The following PRICKLE3 variants were observed in gnomAD, a reference collection of about 807,000 sequenced individuals.
The protein encoded by PRICKLE3 is prickle planar cell polarity protein 3.
A neutral mutation model predicts 33.8 loss-of-function variants in PRICKLE3; 17 were observed. The ratio of observed to expected loss-of-function variants is 0.50; its 90% CI spans 0.34 to 0.75. The LOEUF is 0.75. Among genes scored for constraint, PRICKLE3 ranks in the 30% least tolerant of loss-of-function variants. The pLI is 0.01. For synonymous variants in PRICKLE3, 211 were observed against 219.6 expected, an observed-to-expected ratio of 0.96 and a Z score of 0.34; for missense variants, 573 against 576.7, an observed-to-expected ratio of 0.99 and a Z score of 0.07.
intron 5 of PRICKLE3, 109 bp downstream of exon 5, chrX:49,179,142 T>G (rs2065435201): frequency 9.9e-7 from 1 of 1,012,729 alleles, no homozygotes. Context: ...GACACCTCAC[T>G]GGGGCTTAAG....
chrX:49,185,077 C>G (rs1196263570), intron 1 of PRICKLE3, among the ~76,000 whole-genome samples: 1 of 111,372 alleles, frequency 9.0e-6, no homozygotes, highest in Non-Finnish European at 1.9e-5. Context: ...GAGCACAGAA[C>G]CCCTACTCTG....
Position 49,175,931 on chromosome X carries a change from G to A in PRICKLE3, c.1590C>T (p.Arg530=), listed in dbSNP as rs782476577. 6 of 1,211,130 alleles carry A rather than the reference G, an allele frequency of 5.0e-6. No homozygotes were observed. The South Asian group carries it at 7.0e-5, about 14-fold the overall frequency. Residue 530 remains arginine (R), a synonymous_variant, in exon 9 of 9, where the codon CGC becomes CGT. Transcript: ENST00000599218. ...CTGATCCCGCGTCACATTGATAGTG[G>A]CGACGTCTGCTTGGGTGGCGGTTGT... ...HHHNRHPSRR[R]HYQCDAGSGS...
Position 49,178,134 on chromosome X carries a change from G to A in PRICKLE3, c.814C>T (p.His272Tyr). Reference sequence around the variant, plus strand: ...TCAAAGCAGCAGAAGTGATCCATGTGCCAGTGGCGGCCCTCAGCCTCCGTG... The same window carrying A: ...TCAAAGCAGCAGAAGTGATCCATGTACCAGTGGCGGCCCTCAGCCTCCGTG... ...ECTEAEGRHW[H>Y]MDHFCCFECE... Residue 272 changes from histidine to tyrosine, a missense_variant, in exon 7 of 9, where the codon CAC becomes TAC. By Grantham distance (83) the His-to-Tyr change is moderately conservative. Coordinates refer to ENST00000599218, the MANE Select transcript of PRICKLE3 (RefSeq NM_006150.5). The A allele has an allele frequency of 8.5e-7, 1 of 1,182,873 alleles. No individual in the cohort carries two copies. Among genetic ancestry groups the A allele is most frequent in the Non-Finnish European group, 1.1e-6 (1 of 878,606 alleles).
In PRICKLE3 at chrX:49,183,929, G is replaced by A. The variant is rs782325006; in HGVS notation, c.129-12C>T. On this transcript the variant is annotated splice_polypyrimidine_tract_variant and intron_variant, in intron 2 of 8. Transcript: ENST00000599218. The stretch of plus-strand genomic sequence containing the variant: ...GCTGGCAGATCTTTCTGAGGGGGCC[G>A]GGATGGGGGTCAATTACTAAGGAGT... The A allele has an allele frequency of 8.3e-7, 1 of 1,199,619 alleles. No homozygotes were observed. Among genetic ancestry groups the A allele is most frequent in the Non-Finnish European group, 1.1e-6 (1 of 887,764 alleles).
Position 49,176,069 on chromosome X carries a change from T to C in PRICKLE3, c.1452A>G (p.Gly484=). 8.3e-7 allele frequency: 1 copy of C among 1,207,485 alleles called. No individual in the cohort carries two copies. The highest frequency in any genetic ancestry group is 1.1e-6 in the Non-Finnish European group (1 of 893,818). ...GTGCACTCAGGGTCCGGCGCGGGCC[T>C]CCTTCAGACACCAGAGGGTCGCGGA... ...VSFRDPLVSE[G]GPRRTLSAPP... The change falls in exon 9 of 9, where the codon GGA becomes GGG. Residue 484 remains glycine, a synonymous_variant. Transcript: ENST00000599218.
At position 49,179,771 on chromosome X, in the gene PRICKLE3, C is replaced by T; in HGVS notation, c.348G>A (p.Lys116=). The change falls in exon 4 of 9, where the codon AAG becomes AAA. Residue 116 remains lysine (K), a synonymous_variant. Transcript: ENST00000599218. ...CCCCAGGACTGTTGACGTAGGGGAC[C>T]TTGTCCTCTGGGAGGCAGCTGAAAA... ...YQFFSCLPED[K]VPYVNSPGEK... is the part of the protein sequence containing the mutation. The T allele has an allele frequency of 8.5e-7, 1 of 1,170,414 alleles. No homozygotes were observed.
Position 49,179,692 on chromosome X carries a change from C to T in PRICKLE3, c.426+1G>A. ...GCCCTTCCTGTCTTCTCTCTCCTCA[C>T]CTCACTGTCGTGTGGGGGCAGCTGG... On this transcript the variant is annotated splice_donor_variant, in intron 4 of 8. Transcript: ENST00000599218. LOFTEE classifies it high-confidence loss of function. 8.6e-7 allele frequency: 1 copy of T among 1,167,046 alleles called. No homozygotes were observed. Among genetic ancestry groups the T allele is most frequent in the African/African-American group, 1.8e-5 (1 of 56,641 alleles).
rs1557101502 is a variant in PRICKLE3, at chrX:49,183,833, C to G, written c.213G>C (p.Arg71=). 1 of 1,209,471 alleles carries G rather than the reference C, an allele frequency of 8.3e-7. No individual in the cohort carries two copies. Among genetic ancestry groups the G allele is most frequent in the Non-Finnish European group, 1.1e-6 (1 of 895,047 alleles). Residue 71 remains arginine (R), a synonymous_variant, in exon 3 of 9, where the codon CGG becomes CGC. Transcript: ENST00000599218. The part of the protein sequence containing the change: ...VPVDLERIMC[R]LISDFQRHSI... ...AGTGGCGCTGGAAGTCCGAGATTAG[C>G]CGACACATGATGCGTTCCAGGTCCA... is the stretch of plus-strand genomic sequence containing the variant.
Position 49,186,344 on chromosome X carries a change from T to A in PRICKLE3, c.-47A>T, listed in dbSNP as rs1291852838. Reference sequence around the variant, plus strand: ...GCCGGGCCGGGTCAGGCGAATGTAATCCTTGCGACCGTCAGGCCACCGCGC... The same window carrying A: ...GCCGGGCCGGGTCAGGCGAATGTAAACCTTGCGACCGTCAGGCCACCGCGC... On this transcript the variant is annotated 5_prime_UTR_variant, in exon 1 of 9. Transcript: ENST00000599218. 4.7e-5 allele frequency: 51 copies of A among 1,077,657 alleles called. No homozygotes were observed. The highest frequency in any genetic ancestry group is 5.8e-5 in the Non-Finnish European group (48 of 824,195). The allele number at this position is 1,077,657 out of a possible 1,213,427, so 88.8% of individuals were successfully genotyped here. A position where few individuals can be genotyped will look rare whatever the true frequency, so the allele number is the denominator to read the frequency against.
In PRICKLE3 at chrX:49,175,681, C is replaced by CGATGCAGT. The variant is rs1569526087; in HGVS notation, c.1832_1839dup (p.Val614ThrfsTer39). 8.3e-7 allele frequency: 1 copy of CGATGCAGT among 1,208,452 alleles called. No individual in the cohort carries two copies. Among genetic ancestry groups the CGATGCAGT allele is most frequent in the East Asian group, 3.0e-5 (1 of 33,804 alleles). ...TCCAGGACGGCCTGCCTTCAAGCCA[C>CGATGCAGT]GATGCAGTTCTTGTCTCGGGCCTGA... On this transcript the variant is annotated frameshift_variant, in exon 9 of 9. Coordinates refer to ENST00000599218, the MANE Select transcript of PRICKLE3 (RefSeq NM_006150.5). LOFTEE classifies it high-confidence loss of function.
chrX:49,176,005 T>C lies in PRICKLE3; in HGVS notation c.1516A>G (p.Arg506Gly), dbSNP rs1348476821. Reference protein sequence around the residue: ...QRRRPRSPPPRAPSRRRHHHH... With the variant: ...QRRRPRSPPPGAPSRRRHHHH... ...TGGTGGCGGCGACGGCTGGGGGCCCTGGGTGGGGGACTGCGTGGCCTGCGG... is the reference window on the plus strand; with the variant it reads ...TGGTGGCGGCGACGGCTGGGGGCCCCGGGTGGGGGACTGCGTGGCCTGCGG... Residue 506 changes from arginine (R) to glycine (G), a missense_variant, in exon 9 of 9, where the codon AGG (arginine) becomes GGG (glycine). Transcript: ENST00000599218. 5.0e-6 allele frequency: 6 copies of C among 1,207,060 alleles called. No homozygotes were observed. Among genetic ancestry groups the C allele is most frequent in the Non-Finnish European group, 4.5e-6 (4 of 893,986 alleles).
chrX:49,177,111 C>T lies in PRICKLE3; in HGVS notation c.1047G>A (p.Leu349=). The T allele has an allele frequency of 8.3e-7, 1 of 1,200,352 alleles. No homozygotes were observed. Residue 349 remains leucine (L), a synonymous_variant, in exon 8 of 9, where the codon CTG becomes CTA. Coordinates refer to ENST00000599218, the MANE Select transcript of PRICKLE3 (RefSeq NM_006150.5). ...CTCGGCGTGGCAGGAATGGGCGGCCCAGCAGGGCCCGCCCACAGCGACTAC... is the reference window on the plus strand; with the variant it reads ...CTCGGCGTGGCAGGAATGGGCGGCCTAGCAGGGCCCGCCCACAGCGACTAC... ...FCCSRCGRAL[L]GRPFLPRRGL... is the part of the protein sequence containing the mutation.
Position 49,184,761 on chromosome X carries a change from AAGG to A in PRICKLE3, c.43-54_43-52del, listed in dbSNP as rs782135404. On this transcript the variant is annotated intron_variant, in intron 1 of 8. Transcript: ENST00000599218. ...GGCCGGGTGAGGCGCGGAAGCAGGGAAGGAGAAGTCAACGCCCGCCCCTCCACT... is the reference window on the plus strand; with the variant it reads ...GGCCGGGTGAGGCGCGGAAGCAGGGAAGAAGTCAACGCCCGCCCCTCCACT... 591 of 1,159,885 alleles carry A rather than the reference AAGG, an allele frequency of 5.1e-4. 4 individuals carry two copies. In the African/African-American group the frequency reaches 8.2e-3, roughly 16 times the overall value.
rs782725148 is a variant in PRICKLE3, at chrX:49,176,373, TG to T, written c.1256-109del. 2.3e-5 allele frequency: 13 copies of T among 575,404 alleles called. No homozygotes were observed. The South Asian group carries it at 4.5e-4, about 20-fold the overall frequency. 47.4% of individuals were successfully genotyped at this position (575,404 alleles called of 1,213,427 possible). ...CTTTCCTCCACTAAGACTGGGAAAG[TG>T]GGGGCAGGGGTCGGAGAATGGCAGG... is the stretch of plus-strand genomic sequence containing the variant. On this transcript the variant is annotated intron_variant, in intron 8 of 8. Coordinates refer to ENST00000599218, the MANE Select transcript of PRICKLE3 (RefSeq NM_006150.5).
At chrX:49,184,036 A>T in intron 2 of PRICKLE3, 119 bp from the exon 3 acceptor site, 1 of 920,839 alleles carries the variant, frequency 1.1e-6, no homozygotes, top group Non-Finnish European at 1.5e-6. Context: ...GTCTGTGAGC[A>T]GGGACAGGGA....
Position 49,183,799 on chromosome X carries a change from C to T in PRICKLE3, c.247G>A (p.Asp83Asn), listed in dbSNP as rs908968457. The T allele has an allele frequency of 8.3e-7, 1 of 1,211,318 alleles. No individual in the cohort carries two copies. The highest frequency in any genetic ancestry group is 1.1e-6 in the Non-Finnish European group (1 of 895,420). Reference sequence around the variant, plus strand: ...TCCGATGCACAGCCTGAGTCGTCGTCGGAGATGGAGTGGCGCTGGAAGTCC... The same window carrying T: ...TCCGATGCACAGCCTGAGTCGTCGTTGGAGATGGAGTGGCGCTGGAAGTCC... ...ISDFQRHSIS[D>N]DDSGCASEEY... The change falls in exon 3 of 9, where the codon GAC becomes AAC. Residue 83 changes from aspartate to asparagine, a missense_variant. Coordinates refer to ENST00000599218, the MANE Select transcript of PRICKLE3 (RefSeq NM_006150.5).
Position 49,177,145 on chromosome X carries a change from C to G in PRICKLE3, c.1013G>C (p.Cys338Ser). 1 of 1,200,621 alleles carries G rather than the reference C, an allele frequency of 8.3e-7. No individual in the cohort carries two copies. The change falls in exon 8 of 9, where the codon TGC becomes TCC. Residue 338 changes from cysteine to serine, a missense_variant. By Grantham distance (112) the Cys-to-Ser change is moderately radical. Transcript: ENST00000599218. Reference sequence around the variant, plus strand: ...CCGCCCACAGCGACTACAGCAGAAGCAGCGGTCTGAGGCATGCCAGTGCTG... The same window carrying G: ...CCGCCCACAGCGACTACAGCAGAAGGAGCGGTCTGAGGCATGCCAGTGCTG... ...EGQHWHASDR[C>S]FCCSRCGRAL...
In PRICKLE3 at chrX:49,184,776, C is replaced by G. The variant is rs782512304; in HGVS notation, c.43-66G>C. On this transcript the variant is annotated intron_variant, in intron 1 of 8. Coordinates refer to ENST00000599218, the MANE Select transcript of PRICKLE3 (RefSeq NM_006150.5). ...GGAAGCAGGGAAGGAGAAGTCAACG[C>G]CCGCCCCTCCACTTCATTGCCCGCG... 4.3e-6 allele frequency: 5 copies of G among 1,160,516 alleles called. No individual in the cohort carries two copies. The African/African-American group carries it at 7.2e-5, about 17-fold the overall frequency.
chrX:49,176,160 G>A lies in PRICKLE3; in HGVS notation c.1361C>T (p.Pro454Leu). ...RSVPEPPPES[P>L]GQPNLRPDDS... The stretch of plus-strand genomic sequence containing the variant: ...ATCTGGGCGCAGGTTAGGCTGGCCG[G>A]GGGACTCTGGGGGCGGCTCGGGGAC... Residue 454 changes from proline to leucine, a missense_variant, in exon 9 of 9, where the codon CCC becomes CTC. Pro to Leu is a moderately conservative substitution (Grantham distance 98). Coordinates refer to ENST00000599218, the MANE Select transcript of PRICKLE3 (RefSeq NM_006150.5). 1 of 1,193,066 alleles carries A rather than the reference G, an allele frequency of 8.4e-7. No homozygotes were observed. Among genetic ancestry groups the A allele is most frequent in the Non-Finnish European group, 1.1e-6 (1 of 885,875 alleles).
Sources: allele counts gnomAD v4.1 joint callset (sites outside exome capture counted in the v4.1 genomes callset), GRCh38; gene constraint gnomAD v4.1.1; transcripts MANE v1.5; gene names NCBI Gene and HGNC (gene_info 2026-07-23, HGNC 2026-07-21).